FRMD4B: variants seen among roughly 807,000 people sequenced by gnomAD.
FRMD4B encodes FERM domain-containing protein 4B.
FRMD4B carries 74 observed loss-of-function variants against 141.5 expected under a neutral mutation model. The observed-to-expected ratio is 0.52, with a 90% CI of 0.43 to 0.63. FRMD4B has a LOEUF of 0.63. Among genes scored for constraint, FRMD4B ranks in the 30% least tolerant of loss-of-function variants. The pLI, the probability that FRMD4B is intolerant of heterozygous loss-of-function variation, is 0.00. For missense variants in FRMD4B, 1,366 were observed against 1,253.4 expected, an observed-to-expected ratio of 1.09 and a Z score of -1.36; for synonymous variants, 506 against 467.9, an observed-to-expected ratio of 1.08 and a Z score of -1.05.
At chr3:69,331,965 G>A (rs1575738297) in intron 1 of FRMD4B, among the ~76,000 whole-genome samples, 1 of 152,212 alleles carries the variant, frequency 6.6e-6, no homozygotes, top group South Asian at 2.1e-4. Context: ...GCTGGTGCCT[G>A]TAATCCCAGC....
At chr3:69,536,556 TGA>T in intron 1 of FRMD4B, 1 of 704,902 alleles carries the variant, frequency 1.4e-6, no homozygotes. Flanking sequence ...GGGGGGATGG[TGA>T]GAGGGCAGGA....
At chr3:69,210,816 C>A (rs532903481) in intron 11 of FRMD4B, among the ~76,000 whole-genome samples, 1 of 152,030 alleles carries the variant, frequency 6.6e-6, no homozygotes, top group South Asian at 2.1e-4. Flanking sequence ...GAGTTCGAGA[C>A]CAGCCTGACC....
chr3:69,436,590 G>A (rs1318044777), intron 1 of FRMD4B, among the ~76,000 whole-genome samples: 1 of 152,090 alleles, frequency 6.6e-6, no homozygotes, highest in Admixed American at 6.5e-5. Context: ...TCCATCTCTG[G>A]GCAGATACCC....
At chr3:69,455,422 G>T (rs904932920) in intron 1 of FRMD4B, among the ~76,000 whole-genome samples, 1 of 152,226 alleles carries the variant, frequency 6.6e-6, no homozygotes, top group South Asian at 2.1e-4. Context: ...TGAGAACAGT[G>T]AGACCACGAA....
intron 1 of FRMD4B, among the ~76,000 whole-genome samples, chr3:69,325,117 G>GA (rs1290323434): frequency 6.6e-6 from 1 of 151,464 alleles, no homozygotes; most frequent in Non-Finnish European, 1.5e-5. Context: ...AAGAAAGAAA[G>GA]AAAGAAAGAA....
At chr3:69,525,981 C>T (rs1020962220) in intron 1 of FRMD4B, among the ~76,000 whole-genome samples, 2 of 152,104 alleles carry the variant, frequency 1.3e-5, no homozygotes, top group African/African-American at 2.4e-5. Context: ...TTAAAACCAC[C>T]ATAGCAGGTG....
chr3:69,218,453 A>T, intron 9 of FRMD4B, 74 bp from the exon 10 acceptor site: 1 of 666,142 alleles, frequency 1.5e-6, no homozygotes, highest in South Asian at 1.8e-5. Flanking sequence ...TGATTTAAAG[A>T]AACACCACGT....
At position 69,430,455 on chromosome 3, in the gene FRMD4B, C is replaced by T. The variant is rs1348703715; in HGVS notation, c.-1+2179G>A. On this transcript the variant is annotated intron_variant, in intron 2 of 5. Coordinates refer to the FRMD4B transcript ENST00000459638. ...TGTAAGACTCCCTTCTATTTCTGAG[C>T]CTCTAGCACTGTTGTAAAGATGTTG... Among the ~76,000 whole-genome samples the T allele has an allele frequency of 3.9e-5, 6 of 152,286 alleles. No homozygotes were observed. In the East Asian group the frequency reaches 1.2e-3, roughly 29 times the overall value.
Position 69,181,633 on chromosome 3 carries a change from T to C in FRMD4B, c.2117A>G (p.Asp706Gly), listed in dbSNP as rs2092709603. 6.2e-7 allele frequency: 1 copy of C among 1,613,268 alleles called. No individual in the cohort carries two copies. The highest frequency in any genetic ancestry group is 8.5e-7 in the Non-Finnish European group (1 of 1,179,396). Reference protein sequence around the residue: ...ESQSHLLSEMDSDKPFFSLSK... With the variant: ...ESQSHLLSEMGSDKPFFSLSK... ...GAGGGAGAAAAATGGCTTATCGCTG[T>C]CCATCTCGGAGAGCAGGTGGGACTG... The change falls in exon 21 of 23, where the codon GAC becomes GGC. Residue 706 changes from aspartate (D) to glycine (G), a missense_variant. By Grantham distance (94) the Asp-to-Gly change is moderately conservative. Coordinates refer to ENST00000398540, the MANE Select transcript of FRMD4B (RefSeq NM_015123.3).
At chr3:69,199,789 T>G (rs1419813785) in intron 11 of FRMD4B, among the ~76,000 whole-genome samples, 1 of 152,234 alleles carries the variant, frequency 6.6e-6, no homozygotes, top group Non-Finnish European at 1.5e-5. Context: ...TTACTAGCAA[T>G]GTGCATTTGA....
intron 1 of FRMD4B, among the ~76,000 whole-genome samples, chr3:69,492,341 A>C (rs1706312956): frequency 6.6e-6 from 1 of 152,222 alleles, no homozygotes; most frequent in Admixed American, 6.5e-5. Context: ...AATTCCTGGC[A>C]GCCAGTAGCT....
intron 1 of FRMD4B, among the ~76,000 whole-genome samples, chr3:69,341,317 G>T (rs1405710894): frequency 2.6e-5 from 4 of 152,178 alleles, no homozygotes; most frequent in Admixed American, 6.5e-5. Flanking sequence ...ATCCCCTAAA[G>T]CCAGATGACT....
chr3:69,297,995 T>C (rs1259323115), intron 4 of FRMD4B, among the ~76,000 whole-genome samples: 1 of 152,204 alleles, frequency 6.6e-6, no homozygotes, highest in East Asian at 1.9e-4. Flanking sequence ...TATTTTCTTT[T>C]CTCTGTGCAG....
intron 1 of FRMD4B, among the ~76,000 whole-genome samples, chr3:69,494,764 C>T (rs901673154): frequency 3.3e-5 from 5 of 152,028 alleles, no homozygotes; most frequent in Admixed American, 6.6e-5. Flanking sequence ...TGGTGGCGGG[C>T]ACCTGTGATC....
chr3:69,526,636 T>C (rs1304252570), intron 1 of FRMD4B, among the ~76,000 whole-genome samples: 1 of 152,130 alleles, frequency 6.6e-6, no homozygotes, highest in Non-Finnish European at 1.5e-5. Flanking sequence ...CATTTTCTGG[T>C]CTATTAAATG....
chr3:69,527,113 C>A (rs1700941263), intron 1 of FRMD4B, among the ~76,000 whole-genome samples: 1 of 152,172 alleles, frequency 6.6e-6, no homozygotes, highest in Admixed American at 6.5e-5. Flanking sequence ...GTCTCTCTCT[C>A]TCCCCCATTC....
At chr3:69,217,483 G>C (rs1307841561) in intron 10 of FRMD4B, among the ~76,000 whole-genome samples, 1 of 152,118 alleles carries the variant, frequency 6.6e-6, no homozygotes, top group Non-Finnish European at 1.5e-5. Flanking sequence ...TGAGCCAGCT[G>C]TGGTGGTGCA....
chr3:69,540,636 A>AAAATAT (rs1553652109), intron 1 of FRMD4B, among the ~76,000 whole-genome samples: 2 of 69,568 alleles, frequency 2.9e-5, no homozygotes, highest in African/African-American at 8.3e-5. Flanking sequence ...AAAAAAAAAA[A>AAAATAT]ATATATATAT....
chr3:69,383,237 C>T (rs2106691850), intron 1 of FRMD4B, among the ~76,000 whole-genome samples: 1 of 152,152 alleles, frequency 6.6e-6, no homozygotes, highest in East Asian at 1.9e-4. Flanking sequence ...CAGTTACTGT[C>T]TTTTAGTTCT....
Sources: gnomAD v4.1 joint callset for allele counts (sites outside exome capture counted in the v4.1 genomes callset) on GRCh38, gnomAD v4.1.1 for gene constraint, MANE v1.5 for transcripts, NCBI Gene and HGNC (gene_info 2026-07-23, HGNC 2026-07-21) for gene names.